MFAP5: variants seen among roughly 807,000 people sequenced by gnomAD.
MFAP5 encodes microfibril associated protein 5, also known as microfibrillar-associated protein 5.
A neutral mutation model predicts 30.1 loss-of-function variants in MFAP5; 19 were observed. The ratio of observed to expected loss-of-function variants is 0.63; its 90% CI spans 0.44 to 0.93. The LOEUF is 0.93. Ranked by LOEUF, MFAP5 falls within the 40% of genes least tolerant of loss-of-function variation. The probability of loss-of-function intolerance (pLI) is 0.00; values close to 1 mark genes in which losing one functional copy is unlikely to be tolerated. For missense variants in MFAP5, 210 were observed against 221.3 expected, an observed-to-expected ratio of 0.95 and a Z score of 0.32; for synonymous variants, 92 against 72.9, an observed-to-expected ratio of 1.26 and a Z score of -1.33.
rs1173923542 is a variant in MFAP5, at chr12:8,646,363, CTTG to C, written c.*1725_*1727del. ...ATACAACCTCCACTGTCATATATAA[CTTG>C]TTGTCTCCTAGCTCCTATTTGAATT... is the stretch of plus-strand genomic sequence containing the variant. On this transcript the variant is annotated 3_prime_UTR_variant, in exon 10 of 10. Transcript: ENST00000359478. 2 of 152,130 alleles carry C rather than the reference CTTG, an allele frequency of 1.3e-5. No individual in the cohort carries two copies. The highest frequency in any genetic ancestry group is 2.4e-5 in the African/African-American group (1 of 41,422). 9.4% of individuals were successfully genotyped at this position (152,130 alleles called of 1,614,324 possible).
At chr12:8,648,265 A>C in intron 9 of MFAP5, 62 bp from the exon 10 acceptor site, 2 of 1,399,148 alleles carry the variant, frequency 1.4e-6, no homozygotes, top group South Asian at 1.2e-5. Flanking sequence ...CTCTTGTTTT[A>C]AGGGATAGAG....
rs1174790172 is a variant in MFAP5 at position 8,656,668 on chromosome 12, A to ATATTT, written c.95-839_95-838insAAATA. Among the ~76,000 whole-genome samples the ATATTT allele has an allele frequency of 4.9e-3, 578 of 118,630 alleles. 8 individuals are homozygous for ATATTT. Among genetic ancestry groups the ATATTT allele is most frequent in the African/African-American group, 0.02 (561 of 28,164 alleles). The allele number at this position is 118,630 out of a possible 152,430, so 77.8% of individuals were successfully genotyped here. On this transcript the variant is annotated intron_variant, in intron 3 of 9. Coordinates refer to ENST00000359478, the MANE Select transcript of MFAP5 (RefSeq NM_003480.4). ...CACACACATATATATATATATATAT[A>ATATTT]TTTTTTTTTTTTGAGACAGAGTCTG... is the stretch of plus-strand genomic sequence containing the variant.
At chr12:8,662,481 A>G (rs1942183990) in intron 1 of MFAP5, 146 bp downstream of exon 1, 2 of 219,142 alleles carry the variant, frequency 9.1e-6, no homozygotes, top group Non-Finnish European at 1.8e-5. Context: ...CGTCTCCTTC[A>G]TCAGAATTCC....
rs1424652791 is a variant in MFAP5, at chr12:8,662,109, A to G, written c.-2-3T>C. The G allele has an allele frequency of 1.2e-6, 2 of 1,613,226 alleles. No individual in the cohort carries two copies. The highest frequency in any genetic ancestry group is 1.7e-6 in the Non-Finnish European group (2 of 1,179,788). ...CTTGGGTCCCAAGAGCGACATATCT[A>G]TAGGGGTGGTGGGCATAGCAGAGAA... On this transcript the variant is annotated splice_polypyrimidine_tract_variant and splice_region_variant and intron_variant, in intron 1 of 9. Transcript: ENST00000359478.
In MFAP5 at chr12:8,650,524, T is replaced by G; in HGVS notation, c.313A>C (p.Ile105Leu). 1 of 1,614,110 alleles carries G rather than the reference T, an allele frequency of 6.2e-7. No individual in the cohort carries two copies. The highest frequency in any genetic ancestry group is 8.5e-7 in the Non-Finnish European group (1 of 1,180,004). ...YSVHRPVKQC[I>L]HQLCFTSLRR... ...TACCTGGTGAAGCATAACTGATGAA[T>G]GCATTGTTTAACCGGCCGATGCACA... Residue 105 changes from isoleucine (I) to leucine (L), a missense_variant, in exon 8 of 10, where the codon ATT (isoleucine) becomes CTT (leucine). Coordinates refer to ENST00000359478, the MANE Select transcript of MFAP5 (RefSeq NM_003480.4).
Position 8,648,127 on chromosome 12 carries a change from A to C in MFAP5, c.486T>G (p.Cys162Trp), listed in dbSNP as rs1221575167. Residue 162 changes from cysteine (C) to tryptophan (W), a missense_variant, in exon 10 of 10, where the codon TGT (cysteine) becomes TGG (tryptophan). Coordinates refer to ENST00000359478, the MANE Select transcript of MFAP5 (RefSeq NM_003480.4). ...TGGGTCTCTGCAAATCCACATTTTCACAGGGAGGAAGTCGGAAGTAATTGG... is the reference window on the plus strand; with the variant it reads ...TGGGTCTCTGCAAATCCACATTTTCCCAGGGAGGAAGTCGGAAGTAATTGG... ...RRSNYFRLPPCENVDLQRPNG... is the reference protein window; with the variant it reads ...RRSNYFRLPPWENVDLQRPNG... 6.2e-7 allele frequency: 1 copy of C among 1,614,030 alleles called. No individual in the cohort carries two copies. The highest frequency in any genetic ancestry group is 8.5e-7 in the Non-Finnish European group (1 of 1,179,936).
intron 3 of MFAP5, among the ~76,000 whole-genome samples, chr12:8,656,300 G>A (rs1364400484): frequency 1.6e-4 from 25 of 151,576 alleles, no homozygotes; most frequent in Non-Finnish European, 1.0e-4. Flanking sequence ...CGCCCCCCTC[G>A]GCCTCCCAAA....
At position 8,656,666 on chromosome 12, in the gene MFAP5, A is replaced by ATT. The variant is rs1465516929; in HGVS notation, c.95-837_95-836insAA. 4.9e-4 allele frequency among the ~76,000 whole-genome samples: 60 copies of ATT among 121,292 alleles called. 1 individual carries two copies. The highest frequency in any genetic ancestry group is 1.5e-3 in the African/African-American group (42 of 28,460). The allele number at this position is 121,292 out of a possible 152,430, so 79.6% of individuals were successfully genotyped here. A position where few individuals can be genotyped will look rare whatever the true frequency, so the allele number is the denominator to read the frequency against. ...CACACACACATATATATATATATAT[A>ATT]TATTTTTTTTTTTTGAGACAGAGTC... On this transcript the variant is annotated intron_variant, in intron 3 of 9. Transcript: ENST00000359478.
chr12:8,648,139 T>C lies in MFAP5; in HGVS notation c.474A>G (p.Arg158=), dbSNP rs372223418. 2.5e-6 allele frequency: 4 copies of C among 1,613,844 alleles called. No homozygotes were observed. The African/African-American group carries it at 4.0e-5, about 16-fold the overall frequency. ...PRRLRRSNYF[R]LPPCENVDLQ... is the part of the protein sequence containing the mutation. ...AATCCACATTTTCACAGGGAGGAAG[T>C]CGGAAGTAATTGGAGCGACGGAGTC... The change falls in exon 10 of 10, where the codon CGA becomes CGG. Residue 158 remains arginine, a synonymous_variant. Transcript: ENST00000359478.
At chr12:8,648,296 A>G (rs1941739764) in intron 9 of MFAP5, 93 bp from the exon 10 acceptor site, 3 of 1,108,736 alleles carry the variant, frequency 2.7e-6, no homozygotes, top group South Asian at 1.5e-5. Flanking sequence ...AGTGTGGTGT[A>G]GTGAAAAGGT....
At chr12:8,656,666 A>ATTTTTTT (rs1465516929) in intron 3 of MFAP5, among the ~76,000 whole-genome samples, 1 of 121,326 alleles carries the variant, frequency 8.2e-6, no homozygotes, top group African/African-American at 3.5e-5. Context: ...ATATATATAT[A>ATTTTTTT]TATTTTTTTT....
intron 1 of MFAP5, 164 bp from the exon 2 acceptor site, chr12:8,662,270 C>T (rs1247072121): frequency 3.4e-6 from 2 of 593,454 alleles, no homozygotes; most frequent in Admixed American, 6.3e-5. Flanking sequence ...TACCTTTCAC[C>T]CAACATTCAT....
intron 9 of MFAP5, 77 bp from the exon 10 acceptor site, chr12:8,648,280 C>T (rs1294495137): frequency 1.6e-6 from 2 of 1,246,978 alleles, no homozygotes; most frequent in South Asian, 1.3e-5. Flanking sequence ...ATAGAGAAGA[C>T]TTTTCAGTGT....
chr12:8,656,591 T>TATAC (rs1456030332), intron 3 of MFAP5, among the ~76,000 whole-genome samples: 45 of 130,850 alleles, frequency 3.4e-4, no homozygotes, highest in East Asian at 2.8e-3. Context: ...TATATATATA[T>TATAC]ACACACACAC....
At chr12:8,656,965 G>A (rs1942019943) in intron 3 of MFAP5, among the ~76,000 whole-genome samples, 1 of 151,980 alleles carries the variant, frequency 6.6e-6, no homozygotes, top group Non-Finnish European at 1.5e-5. Context: ...ACTGCACCTG[G>A]CCTGTTTGCT....
intron 3 of MFAP5, among the ~76,000 whole-genome samples, chr12:8,657,554 A>G (rs891115465): frequency 6.7e-6 from 1 of 150,082 alleles, no homozygotes; most frequent in African/African-American, 2.5e-5. Flanking sequence ...AAATTCACAT[A>G]GTTTGCTTTG....
intron 2 of MFAP5, among the ~76,000 whole-genome samples, chr12:8,661,301 C>G (rs1247264175): frequency 6.6e-6 from 1 of 152,044 alleles, no homozygotes; most frequent in Non-Finnish European, 1.5e-5. Context: ...TTTTCTCAAT[C>G]TGTATCGGAA....
At position 8,649,514 on chromosome 12, in the gene MFAP5, G is replaced by A. The variant is rs199578843; in HGVS notation, c.396C>T (p.His132=). ...EICSRLVCKE[H]EAMKDELCRQ... ...ACATCATCTTACCTTTCATAGCTTCGTGTTCCTTACAGACAAGACGAGAGC... is the reference window on the plus strand; with the variant it reads ...ACATCATCTTACCTTTCATAGCTTCATGTTCCTTACAGACAAGACGAGAGC... The change falls in exon 9 of 10, where the codon CAC becomes CAT. Residue 132 remains histidine, a synonymous_variant. Coordinates refer to ENST00000359478, the MANE Select transcript of MFAP5 (RefSeq NM_003480.4). 40 of 1,613,764 alleles carry A rather than the reference G, an allele frequency of 2.5e-5. No individual in the cohort carries two copies. The highest frequency in any genetic ancestry group is 6.7e-5 in the East Asian group (3 of 44,880).
chr12:8,660,564 G>A (rs912881117), intron 3 of MFAP5, among the ~76,000 whole-genome samples: 4 of 152,072 alleles, frequency 2.6e-5, no homozygotes, highest in Admixed American at 2.6e-4. Context: ...GAGTAAGATA[G>A]GAGATGTGTA....
Sources: gnomAD v4.1 joint callset for allele counts (sites outside exome capture counted in the v4.1 genomes callset) on GRCh38, gnomAD v4.1.1 for gene constraint, MANE v1.5 for transcripts, NCBI Gene and HGNC (gene_info 2026-07-23, HGNC 2026-07-21) for gene names.